NRG3: variants seen among roughly 807,000 people sequenced by gnomAD.
NRG3 encodes the protein neuregulin 3.
NRG3 carries 31 observed loss-of-function variants against 66.9 expected under a neutral mutation model. The ratio of observed to expected loss-of-function variants is 0.46; its 90% CI spans 0.35 to 0.63. The LOEUF (loss-of-function observed/expected upper bound fraction) is 0.63, where lower values mean the gene tolerates loss of function less well. NRG3 is among the 20% of genes least tolerant of loss of function. NRG3 has a pLI of 0.00. For synonymous variants in NRG3, 393 were observed against 359.4 expected (o/e 1.09, Z -1.06); for missense variants, 910 against 878.9 (o/e 1.04, Z -0.45).
At chr10:82,263,135 G>T (rs1392413120) in intron 1 of NRG3, among the ~76,000 whole-genome samples, 1 of 152,164 alleles carries the variant, frequency 6.6e-6, no homozygotes, top group Non-Finnish European at 1.5e-5. Flanking sequence ...TGAGTCTGGG[G>T]ACTTAATAAA....
intron 1 of NRG3, among the ~76,000 whole-genome samples, chr10:82,142,542 G>A (rs931092087): frequency 6.6e-5 from 10 of 152,146 alleles, no homozygotes; most frequent in African/African-American, 2.4e-4. Context: ...TAAGCTTAGA[G>A]TGGGGTATCG....
At chr10:82,009,472 CT>C (rs2061495266) in intron 1 of NRG3, among the ~76,000 whole-genome samples, 1 of 152,144 alleles carries the variant, frequency 6.6e-6, no homozygotes. Flanking sequence ...AAGTCTAGGA[CT>C]CTGGAAAGCA....
At chr10:82,349,979 A>T (rs2083324579) in intron 1 of NRG3, among the ~76,000 whole-genome samples, 1 of 152,078 alleles carries the variant, frequency 6.6e-6, no homozygotes, top group African/African-American at 2.4e-5. Flanking sequence ...CTCCCTAGTG[A>T]GATGAACCCG....
chr10:82,627,803 T>G (rs941172838), intron 2 of NRG3, among the ~76,000 whole-genome samples: 1 of 152,186 alleles, frequency 6.6e-6, no homozygotes, highest in Non-Finnish European at 1.5e-5. Flanking sequence ...AAAGGTAACC[T>G]TAGCCACAAA....
chr10:82,373,733 C>T (rs1378118532), intron 2 of NRG3, among the ~76,000 whole-genome samples: 3 of 152,104 alleles, frequency 2.0e-5, no homozygotes, highest in African/African-American at 7.2e-5. Flanking sequence ...GGGGTGTTCT[C>T]CTGTGCTAAT....
At chr10:82,460,047 G>A (rs1158166224) in intron 2 of NRG3, among the ~76,000 whole-genome samples, 5 of 152,114 alleles carry the variant, frequency 3.3e-5, no homozygotes, top group Non-Finnish European at 7.4e-5. Context: ...CTGGAGTGAG[G>A]ATTGCATCTT....
intron 4 of NRG3, among the ~76,000 whole-genome samples, chr10:82,872,318 T>C (rs940147059): frequency 9.9e-5 from 15 of 152,144 alleles, no homozygotes; most frequent in Middle Eastern, 3.2e-3. Flanking sequence ...TTTTTTCTCT[T>C]ACTTTTATTA....
At chr10:82,036,365 G>A (rs745859664) in intron 1 of NRG3, among the ~76,000 whole-genome samples, 3 of 152,048 alleles carry the variant, frequency 2.0e-5, no homozygotes, top group Admixed American at 1.3e-4. Context: ...ATCTGCTTTC[G>A]TAAGTACATC....
intron 2 of NRG3, among the ~76,000 whole-genome samples, chr10:82,372,924 T>C (rs1016107695): frequency 6.6e-6 from 1 of 152,206 alleles, no homozygotes; most frequent in Admixed American, 6.5e-5. Flanking sequence ...AGGAAATGAT[T>C]TTTCAGTTCT....
At chr10:82,522,718 T>G (rs1310346646) in intron 2 of NRG3, among the ~76,000 whole-genome samples, 1 of 151,764 alleles carries the variant, frequency 6.6e-6, no homozygotes, top group South Asian at 2.1e-4. Context: ...AAAAAAAAAG[T>G]CATTGTTTAT....
chr10:82,939,642 C>T lies in NRG3; in HGVS notation c.1055-11827C>T, dbSNP rs560018958. On this transcript the variant is annotated intron_variant, in intron 4 of 8. Transcript: ENST00000372141. Reference sequence around the variant, plus strand: ...CCACCACCACGCCCTGCTAATTTTTCGTATTTTTAGTAGAGATGGGGTTTC... The same window carrying T: ...CCACCACCACGCCCTGCTAATTTTTTGTATTTTTAGTAGAGATGGGGTTTC... Among the ~76,000 whole-genome samples, 357 of 151,678 alleles carry T rather than the reference C, an allele frequency of 2.4e-3. 1 individual carries two copies. Among genetic ancestry groups the T allele is most frequent in the African/African-American group, 8.3e-3 (342 of 41,390 alleles).
chr10:82,203,659 A>T (rs1031531377), intron 1 of NRG3, among the ~76,000 whole-genome samples: 2 of 152,178 alleles, frequency 1.3e-5, no homozygotes, highest in African/African-American at 4.8e-5. Flanking sequence ...AGTACATTAT[A>T]ATAAAAAATA....
At chr10:82,010,109 G>C (rs996072742) in intron 1 of NRG3, among the ~76,000 whole-genome samples, 1 of 152,134 alleles carries the variant, frequency 6.6e-6, no homozygotes, top group Non-Finnish European at 1.5e-5. Context: ...ACTTTCTAAT[G>C]GTCTAATTGA....
intron 2 of NRG3, among the ~76,000 whole-genome samples, chr10:82,607,510 A>G (rs1266260927): frequency 6.6e-6 from 1 of 152,154 alleles, no homozygotes; most frequent in Non-Finnish European, 1.5e-5. Flanking sequence ...ATGTATAATT[A>G]GGCCTTTTTT....
In NRG3 at chr10:82,163,921, AAT is replaced by A. The variant is rs1564623045; in HGVS notation, c.824-194817_824-194816del. Among the ~76,000 whole-genome samples, 7 of 142,632 alleles carry A rather than the reference AAT, an allele frequency of 4.9e-5. 1 individual carries two copies. The highest frequency in any genetic ancestry group is 7.0e-5 in the Admixed American group (1 of 14,222). The allele number at this position is 142,632 out of a possible 152,430, so 93.6% of individuals were successfully genotyped here. A position where few individuals can be genotyped will look rare whatever the true frequency, so the allele number is the denominator to read the frequency against. On this transcript the variant is annotated intron_variant, in intron 1 of 8. Transcript: ENST00000372141. Reference sequence around the variant, plus strand: ...CTATAGGTTTTTGTTTCTCTCTTAAAATTTTTTTTTTTTTTTTGAGATGGAGT... The same window carrying A: ...CTATAGGTTTTTGTTTCTCTCTTAAATTTTTTTTTTTTTTTGAGATGGAGT...
At chr10:82,973,048 C>T (rs570400318) in intron 6 of NRG3, among the ~76,000 whole-genome samples, 203 of 152,288 alleles carry the variant, frequency 1.3e-3, no homozygotes, top group African/African-American at 4.6e-3. Context: ...TAGAAGAGAA[C>T]TCTTCTACCT....
intron 1 of NRG3, among the ~76,000 whole-genome samples, chr10:82,012,000 A>T (rs7089681): frequency 2.7e-4 from 41 of 152,170 alleles, no homozygotes; most frequent in African/African-American, 9.6e-4. Context: ...GCAATGCCCC[A>T]GTGGGGACTC....
At chr10:82,867,359 A>G (rs144698392) in intron 4 of NRG3, among the ~76,000 whole-genome samples, 1 of 152,278 alleles carries the variant, frequency 6.6e-6, no homozygotes, top group Non-Finnish European at 1.5e-5. Context: ...ACAAGAACTC[A>G]TATCACTTTT....
intron 2 of NRG3, among the ~76,000 whole-genome samples, chr10:82,515,398 T>A (rs1845563036): frequency 1.3e-5 from 2 of 152,224 alleles, no homozygotes; most frequent in African/African-American, 2.4e-5. Context: ...ACAGACAGAT[T>A]CTCCATACAG....
Sources: gnomAD v4.1 joint callset for allele counts (sites outside exome capture counted in the v4.1 genomes callset) on GRCh38, gnomAD v4.1.1 for gene constraint, MANE v1.5 for transcripts, NCBI Gene and HGNC (gene_info 2026-07-23, HGNC 2026-07-21) for gene names.